RBFOX1: variants seen among roughly 807,000 people sequenced by gnomAD.
RBFOX1 encodes the protein RNA binding fox-1 homolog 1, also known as RNA binding protein fox-1 homolog 1.
Under a neutral mutation model 57.7 loss-of-function variants are expected in RBFOX1, and 8 were observed. The observed-to-expected ratio is 0.14, with a 90% CI of 0.08 to 0.25. The LOEUF is 0.25. RBFOX1 is among the 10% of genes least tolerant of loss of function. The pLI is 1.00. For synonymous variants in RBFOX1, 326 were observed against 222.4 expected, an observed-to-expected ratio of 1.47 and a Z score of -4.15; for missense variants, 611 against 548.5, an observed-to-expected ratio of 1.11 and a Z score of -1.14.
intron 1 of RBFOX1, among the ~76,000 whole-genome samples, chr16:6,089,663 G>T (rs945357144): frequency 6.6e-6 from 1 of 152,166 alleles, no homozygotes; most frequent in African/African-American, 2.4e-5. Context: ...CCTGAGTACG[G>T]GGTCAGGTGT....
intron 3 of RBFOX1, among the ~76,000 whole-genome samples, chr16:6,827,319 A>G (rs2092279365): frequency 6.6e-6 from 1 of 152,182 alleles, no homozygotes; most frequent in Non-Finnish European, 1.5e-5. Flanking sequence ...AAGTGGTTAC[A>G]GATAAAGCAA....
intron 3 of RBFOX1, among the ~76,000 whole-genome samples, chr16:6,887,216 C>A (rs143361190): frequency 4.6e-5 from 7 of 152,116 alleles, no homozygotes; most frequent in African/African-American, 1.7e-4. Flanking sequence ...AATTCTAGTA[C>A]TTGGAAGGAG....
chr16:5,756,536 A>C (rs2053403461), intron 3 of RBFOX1, among the ~76,000 whole-genome samples: 1 of 152,148 alleles, frequency 6.6e-6, no homozygotes. Context: ...AGGGGCCAAT[A>C]ATAAAGATAA....
At chr16:7,577,813 T>C (rs953151563) in intron 5 of RBFOX1, among the ~76,000 whole-genome samples, 20 of 152,234 alleles carry the variant, frequency 1.3e-4, no homozygotes, top group African/African-American at 4.8e-4. Flanking sequence ...GTGGCAAGAT[T>C]GAGCCCAGGA....
chr16:7,355,407 C>T (rs1041348520), intron 4 of RBFOX1, among the ~76,000 whole-genome samples: 1 of 152,178 alleles, frequency 6.6e-6, no homozygotes, highest in Admixed American at 6.5e-5. Flanking sequence ...TGCCCCCTTT[C>T]TCCTGTCCTA....
intron 3 of RBFOX1, among the ~76,000 whole-genome samples, chr16:6,736,345 A>G (rs2070301525): frequency 6.6e-6 from 1 of 152,028 alleles, no homozygotes; most frequent in African/African-American, 2.4e-5. Flanking sequence ...AGTCCATTGT[A>G]TCATTCTTAT....
At chr16:6,191,206 T>C (rs1328013841) in intron 1 of RBFOX1, among the ~76,000 whole-genome samples, 2 of 151,594 alleles carry the variant, frequency 1.3e-5, no homozygotes, top group Middle Eastern at 3.2e-3. Flanking sequence ...ACTTGGCTAT[T>C]GGGCTGGGCA....
intron 2 of RBFOX1, among the ~76,000 whole-genome samples, chr16:5,546,222 T>C (rs527977405): frequency 6.6e-6 from 1 of 152,278 alleles, no homozygotes; most frequent in African/African-American, 2.4e-5. Flanking sequence ...ACACTGAATA[T>C]TGTTAAGGTG....
intron 1 of RBFOX1, among the ~76,000 whole-genome samples, chr16:6,285,524 C>G (rs1221527302): frequency 6.6e-6 from 1 of 152,144 alleles, no homozygotes; most frequent in African/African-American, 2.4e-5. Flanking sequence ...TTGCCGAGTG[C>G]TGATTCCATG....
At chr16:5,492,345 A>G (rs1031839362) in intron 2 of RBFOX1, among the ~76,000 whole-genome samples, 2 of 152,214 alleles carry the variant, frequency 1.3e-5, no homozygotes, top group African/African-American at 4.8e-5. Flanking sequence ...CCTGCACGCC[A>G]GGTCCTGTGC....
Position 6,450,767 on chromosome 16 carries a change from G to GTATATA in RBFOX1, c.-64+133727_-64+133732dup, listed in dbSNP as rs371495786. Among the ~76,000 whole-genome samples the GTATATA allele has an allele frequency of 4.4e-3, 150 of 34,136 alleles. 15 individuals carry two copies. Among genetic ancestry groups the GTATATA allele is most frequent in the African/African-American group, 0.019 (148 of 7,608 alleles). 22.4% of individuals were successfully genotyped at this position (34,136 alleles called of 152,430 possible). A position where few individuals can be genotyped will look rare whatever the true frequency, so the allele number is the denominator to read the frequency against. ...TATATATATATACATATATATATGT[G>GTATATA]TATATATATATATATATATATACAT... On this transcript the variant is annotated intron_variant, in intron 2 of 15. Transcript: ENST00000550418.
chr16:6,338,080 C>T (rs1303583455), intron 2 of RBFOX1, among the ~76,000 whole-genome samples: 1 of 152,150 alleles, frequency 6.6e-6, no homozygotes, highest in African/African-American at 2.4e-5. Flanking sequence ...TTTTTGTCTG[C>T]AATATGTGAA....
intron 2 of RBFOX1, among the ~76,000 whole-genome samples, chr16:6,398,267 C>T (rs763870007): frequency 5.3e-5 from 8 of 152,122 alleles, no homozygotes; most frequent in Non-Finnish European, 1.2e-4. Flanking sequence ...AACTACAACT[C>T]GAGATTTCGG....
chr16:6,921,125 T>A (rs973937006), intron 3 of RBFOX1, among the ~76,000 whole-genome samples: 1 of 152,126 alleles, frequency 6.6e-6, no homozygotes, highest in East Asian at 1.9e-4. Context: ...TTTCCTAAAC[T>A]CCCCCAGGCT....
chr16:6,166,715 G>A (rs2096920228), intron 1 of RBFOX1, among the ~76,000 whole-genome samples: 1 of 152,096 alleles, frequency 6.6e-6, no homozygotes, highest in Admixed American at 6.6e-5. Flanking sequence ...TTACCTCTTT[G>A]GTGGGAGTGG....
intron 6 of RBFOX1, among the ~76,000 whole-genome samples, chr16:7,583,996 C>T (rs1194450032): frequency 2.0e-5 from 3 of 152,112 alleles, no homozygotes; most frequent in Admixed American, 6.5e-5. Flanking sequence ...GTACTTATGA[C>T]GTTAATGGAA....
intron 4 of RBFOX1, among the ~76,000 whole-genome samples, chr16:7,136,039 T>C (rs988584744): frequency 8.5e-5 from 13 of 152,172 alleles, no homozygotes; most frequent in African/African-American, 2.7e-4. Flanking sequence ...AGGAGTAATG[T>C]GGTATTGTTG....
At chr16:6,758,476 C>G (rs2076141678) in intron 3 of RBFOX1, among the ~76,000 whole-genome samples, 1 of 152,020 alleles carries the variant, frequency 6.6e-6, no homozygotes, top group Non-Finnish European at 1.5e-5. Context: ...TAGACAGAGC[C>G]TTGGCACTGA....
chr16:7,089,924 T>C (rs886261850), intron 4 of RBFOX1, among the ~76,000 whole-genome samples: 1 of 140,316 alleles, frequency 7.1e-6, no homozygotes, highest in East Asian at 2.1e-4. Flanking sequence ...AAAAAAAAAA[T>C]GGCAGAGACT....
Sources: gnomAD v4.1 joint callset for allele counts (sites outside exome capture counted in the v4.1 genomes callset) on GRCh38, gnomAD v4.1.1 for gene constraint, MANE v1.5 for transcripts, NCBI Gene and HGNC (gene_info 2026-07-23, HGNC 2026-07-21) for gene names.